The following MAGI1 variants were observed in gnomAD, a reference collection of about 807,000 sequenced individuals.
MAGI1 encodes the protein membrane-associated guanylate kinase, WW and PDZ domain-containing protein 1.
In MAGI1, 58 loss-of-function variants were observed where a neutral mutation model predicts 139.9. That is an observed-to-expected ratio of 0.41 (90% confidence interval 0.34 to 0.52). The LOEUF is 0.52. MAGI1 is among the 20% of genes least tolerant of loss of function. MAGI1 has a pLI of 0.12. For missense variants in MAGI1, 1,874 were observed against 1,901.6 expected (o/e 0.99, Z 0.27); for synonymous variants, 812 against 737.9 (o/e 1.10, Z -1.63).
intron 1 of MAGI1, among the ~76,000 whole-genome samples, chr3:65,799,442 C>G (rs1193726259): frequency 5.3e-5 from 8 of 152,172 alleles, no homozygotes; most frequent in Non-Finnish European, 1.2e-4. Flanking sequence ...TCAAGATAAG[C>G]TTGTACCGAA....
chr3:65,890,601 T>G (rs910600558), intron 1 of MAGI1, among the ~76,000 whole-genome samples: 3 of 152,156 alleles, frequency 2.0e-5, no homozygotes, highest in African/African-American at 7.2e-5. Context: ...TAACACCACA[T>G]CCAACGCAAA....
At chr3:65,448,402 G>T (rs917448334) in intron 6 of MAGI1, among the ~76,000 whole-genome samples, 1 of 152,124 alleles carries the variant, frequency 6.6e-6, no homozygotes, top group African/African-American at 2.4e-5. Context: ...AGTAAACAAA[G>T]CTGTTAGACC....
At chr3:65,573,329 CAATA>C (rs2081040287) in intron 2 of MAGI1, among the ~76,000 whole-genome samples, 1 of 151,816 alleles carries the variant, frequency 6.6e-6, no homozygotes, top group Non-Finnish European at 1.5e-5. Context: ...TCATATTCAA[CAATA>C]AATAAAAAGC....
chr3:65,710,371 C>A (rs1489502801), intron 1 of MAGI1, among the ~76,000 whole-genome samples: 1 of 150,106 alleles, frequency 6.7e-6, no homozygotes, highest in Admixed American at 6.7e-5. Flanking sequence ...ACCTCCGCCT[C>A]CCAGGTTCAA....
At chr3:65,590,125 T>C (rs2081902144) in intron 2 of MAGI1, among the ~76,000 whole-genome samples, 1 of 152,144 alleles carries the variant, frequency 6.6e-6, no homozygotes, top group African/African-American at 2.4e-5. Context: ...GTGTCTCCTC[T>C]ACTATGAAAT....
intron 1 of MAGI1, among the ~76,000 whole-genome samples, chr3:66,015,921 A>C (rs529093221): frequency 2.3e-4 from 35 of 152,218 alleles, no homozygotes; most frequent in Non-Finnish European, 4.4e-4. Context: ...CTAAATTGAG[A>C]CTTCAAGAAA....
At chr3:65,419,289 ATG>A (rs57720812) in intron 12 of MAGI1, among the ~76,000 whole-genome samples, 2 of 150,756 alleles carry the variant, frequency 1.3e-5, no homozygotes, top group Non-Finnish European at 3.0e-5. Context: ...ATTTTATGAA[ATG>A]TGTGTGTGTG....
chr3:65,509,640 C>T (rs1000608952), intron 2 of MAGI1, among the ~76,000 whole-genome samples: 4 of 152,202 alleles, frequency 2.6e-5, no homozygotes, highest in African/African-American at 9.6e-5. Context: ...CCACACCTGG[C>T]TCAGAGGGTC....
At chr3:65,771,187 G>T (rs544593250) in intron 1 of MAGI1, among the ~76,000 whole-genome samples, 1 of 151,836 alleles carries the variant, frequency 6.6e-6, no homozygotes, top group South Asian at 2.1e-4. Context: ...TGCACCTGTA[G>T]TCCCAGCTAC....
intron 1 of MAGI1, among the ~76,000 whole-genome samples, chr3:65,847,967 T>G (rs1183252521): frequency 6.6e-6 from 1 of 152,178 alleles, no homozygotes; most frequent in African/African-American, 2.4e-5. Context: ...TCCAGGAGTT[T>G]GAGTCCAGTT....
At chr3:65,897,699 AT>A (rs965993670) in intron 1 of MAGI1, among the ~76,000 whole-genome samples, 40 of 151,562 alleles carry the variant, frequency 2.6e-4, no homozygotes, top group Middle Eastern at 3.4e-3. Context: ...TCTCCACAAA[AT>A]TTTTTTTTAA....
intron 13 of MAGI1, among the ~76,000 whole-genome samples, chr3:65,397,748 GA>G (rs1944510252): frequency 6.6e-6 from 1 of 152,100 alleles, no homozygotes; most frequent in South Asian, 2.1e-4. Flanking sequence ...ATTAAGAGTG[GA>G]ATGATTACAT....
intron 2 of MAGI1, among the ~76,000 whole-genome samples, chr3:65,593,545 A>G (rs2082057656): frequency 6.6e-6 from 1 of 152,224 alleles, no homozygotes; most frequent in Non-Finnish European, 1.5e-5. Flanking sequence ...AATAATATGT[A>G]TCATTAAATA....
intron 5 of MAGI1, among the ~76,000 whole-genome samples, chr3:65,455,043 T>C (rs1575811411): frequency 6.6e-6 from 1 of 152,330 alleles, no homozygotes; most frequent in East Asian, 1.9e-4. Flanking sequence ...CAGTCTGCAC[T>C]ACTCCTACAC....
At chr3:66,034,684 C>A (rs1358938000) in intron 1 of MAGI1, among the ~76,000 whole-genome samples, 1 of 152,072 alleles carries the variant, frequency 6.6e-6, no homozygotes, top group African/African-American at 2.4e-5. Context: ...CTCCAAATGT[C>A]CATAAACAAG....
intron 5 of MAGI1, among the ~76,000 whole-genome samples, chr3:65,456,609 A>T (rs1401344134): frequency 1.3e-5 from 2 of 151,770 alleles, no homozygotes; most frequent in Non-Finnish European, 2.9e-5. Context: ...TATTTCAAAA[A>T]TTTTCTGGTT....
At chr3:65,392,854 G>C (rs978924954) in intron 13 of MAGI1, among the ~76,000 whole-genome samples, 4 of 152,208 alleles carry the variant, frequency 2.6e-5, no homozygotes, top group Non-Finnish European at 4.4e-5. Context: ...TGCATTCAAT[G>C]AAGGCAAGGT....
At chr3:65,822,006 C>T (rs2041977064) in intron 1 of MAGI1, among the ~76,000 whole-genome samples, 1 of 152,130 alleles carries the variant, frequency 6.6e-6, no homozygotes, top group Non-Finnish European at 1.5e-5. Flanking sequence ...AGATGGAAAG[C>T]ATCAAGTGCC....
chr3:65,986,700 C>A (rs1489684030), intron 1 of MAGI1, among the ~76,000 whole-genome samples: 5 of 152,110 alleles, frequency 3.3e-5, no homozygotes, highest in African/African-American at 1.2e-4. Flanking sequence ...ACCTTAGAAG[C>A]TTTTTGCGTA....
Sources: allele counts gnomAD v4.1 joint callset (sites outside exome capture counted in the v4.1 genomes callset), GRCh38; gene constraint gnomAD v4.1.1; transcripts MANE v1.5; gene names NCBI Gene and HGNC (gene_info 2026-07-23, HGNC 2026-07-21).